CDH12: variants seen among roughly 807,000 people sequenced by gnomAD.
CDH12 encodes the protein cadherin-12.
A neutral mutation model predicts 74.1 loss-of-function variants in CDH12; 41 were observed. That is an observed-to-expected ratio of 0.55 (90% CI 0.43 to 0.72). The LOEUF is 0.72. Ranked by LOEUF, CDH12 falls within the 30% of genes least tolerant of loss-of-function variation. CDH12 has a pLI of 0.00. For missense variants in CDH12, 945 were observed against 977.2 expected (o/e 0.97, Z 0.44); for synonymous variants, 399 against 355.0 (o/e 1.12, Z -1.39).
At chr5:22,812,950 A>G (rs1248534441) in intron 1 of CDH12, among the ~76,000 whole-genome samples, 1 of 152,126 alleles carries the variant, frequency 6.6e-6, no homozygotes, top group Non-Finnish European at 1.5e-5. Context: ...ATGATCGCTG[A>G]GATCAAGGAG....
At chr5:22,147,916 T>C (rs4590152) in intron 4 of CDH12, among the ~76,000 whole-genome samples, 54,235 of 152,008 alleles carry the variant, frequency 0.36, 10,395 homozygotes, top group Middle Eastern at 0.47. Context: ...AGATATCATA[T>C]TCATCTGGTA....
intron 3 of CDH12, among the ~76,000 whole-genome samples, chr5:22,244,726 AAAAAGAAAGAAAG>A (rs1196005975): frequency 1.1e-4 from 15 of 134,844 alleles, no homozygotes; most frequent in African/African-American, 2.5e-4. Flanking sequence ...AGAGAGAAAG[AAAAAGAAAGAAAG>A]AAAAGAAAGA....
chr5:22,572,882 T>A (rs976259395), intron 1 of CDH12, among the ~76,000 whole-genome samples: 2 of 152,196 alleles, frequency 1.3e-5, no homozygotes, highest in Non-Finnish European at 2.9e-5. Flanking sequence ...ACACAGCAGA[T>A]GAAACAACTG....
At chr5:22,636,076 T>C (rs779354669) in intron 1 of CDH12, among the ~76,000 whole-genome samples, 116 of 152,138 alleles carry the variant, frequency 7.6e-4, no homozygotes, top group Non-Finnish European at 1.1e-3. Context: ...AAATTATCAA[T>C]AAGCATATGA....
intron 3 of CDH12, among the ~76,000 whole-genome samples, chr5:22,335,668 G>A (rs1369573912): frequency 1.3e-5 from 2 of 151,950 alleles, no homozygotes; most frequent in Admixed American, 6.6e-5. Context: ...CATGTAAAAC[G>A]TGACTTGCTC....
chr5:22,000,794 C>T (rs1274330825), intron 5 of CDH12, among the ~76,000 whole-genome samples: 2 of 151,978 alleles, frequency 1.3e-5, no homozygotes, highest in African/African-American at 4.8e-5. Context: ...ATTTAGTTTA[C>T]AATATTCTTC....
intron 2 of CDH12, among the ~76,000 whole-genome samples, chr5:22,478,373 G>A (rs1351460777): frequency 3.6e-5 from 5 of 139,118 alleles, no homozygotes; most frequent in South Asian, 2.2e-4. Flanking sequence ...AGCAGAGACC[G>A]CGCCACTGCC....
intron 3 of CDH12, among the ~76,000 whole-genome samples, chr5:22,368,370 C>G (rs962271372): frequency 1.3e-5 from 2 of 151,926 alleles, no homozygotes; most frequent in Non-Finnish European, 2.9e-5. Flanking sequence ...ACAATCGAAG[C>G]TCACTGCAGC....
chr5:22,259,427 C>G (rs760038192), intron 3 of CDH12, among the ~76,000 whole-genome samples: 2 of 152,060 alleles, frequency 1.3e-5, no homozygotes, highest in Non-Finnish European at 2.9e-5. Context: ...TTGAATACTT[C>G]TGGTATAAAC....
At chr5:21,843,711 C>G (rs903455610) in intron 7 of CDH12, among the ~76,000 whole-genome samples, 3 of 152,012 alleles carry the variant, frequency 2.0e-5, no homozygotes, top group African/African-American at 7.2e-5. Flanking sequence ...TGGGGTGACA[C>G]CTTTTTAATC....
intron 1 of CDH12, among the ~76,000 whole-genome samples, chr5:22,695,465 AG>A: frequency 6.6e-6 from 1 of 152,186 alleles, no homozygotes; most frequent in Non-Finnish European, 1.5e-5. Context: ...TAACACCACA[AG>A]TCTACAATCA....
intron 1 of CDH12, among the ~76,000 whole-genome samples, chr5:22,793,379 T>C (rs574826660): frequency 6.6e-6 from 1 of 152,360 alleles, no homozygotes; most frequent in South Asian, 2.1e-4. Flanking sequence ...CATACACATA[T>C]GTGGTGATTA....
At chr5:21,947,626 G>A (rs1253725349) in intron 6 of CDH12, among the ~76,000 whole-genome samples, 1 of 152,186 alleles carries the variant, frequency 6.6e-6, no homozygotes, top group East Asian at 1.9e-4. Context: ...AAAATTTGCA[G>A]CCTGACCATG....
intron 1 of CDH12, among the ~76,000 whole-genome samples, chr5:22,655,856 T>C (rs561737332): frequency 1.6e-4 from 24 of 152,370 alleles, no homozygotes; most frequent in South Asian, 6.2e-4. Context: ...AAGTGTGTAT[T>C]CTTCATATGA....
chr5:22,109,123 T>C lies in CDH12; in HGVS notation c.-186-30261A>G, dbSNP rs562432427. On this transcript the variant is annotated intron_variant, in intron 4 of 14. Transcript: ENST00000382254. ...TCATAATTCATTTTACTCTTTATGA[T>C]ATTTGGAATTTGGGGGAGACAATTT... Among the ~76,000 whole-genome samples, 7 of 152,300 alleles carry C rather than the reference T, an allele frequency of 4.6e-5. No individual in the cohort carries two copies. In the South Asian group the frequency reaches 1.0e-3, roughly 23 times the overall value.
At chr5:21,951,605 T>G (rs1302219603) in intron 6 of CDH12, among the ~76,000 whole-genome samples, 4 of 152,242 alleles carry the variant, frequency 2.6e-5, no homozygotes, top group Non-Finnish European at 5.9e-5. Context: ...CTTTATAATT[T>G]CACTTTCTAA....
At chr5:22,736,802 T>G (rs1744754280) in intron 1 of CDH12, among the ~76,000 whole-genome samples, 1 of 151,818 alleles carries the variant, frequency 6.6e-6, no homozygotes, top group Non-Finnish European at 1.5e-5. Context: ...ACATTATCCT[T>G]TTTCTCACCA....
intron 1 of CDH12, among the ~76,000 whole-genome samples, chr5:22,573,408 C>T (rs1039053560): frequency 3.9e-5 from 6 of 152,030 alleles, no homozygotes; most frequent in Admixed American, 3.3e-4. Context: ...AAATTAATTG[C>T]ATTACAGTTT....
chr5:22,167,387 T>C (rs1217443280), intron 4 of CDH12, among the ~76,000 whole-genome samples: 1 of 152,186 alleles, frequency 6.6e-6, no homozygotes, highest in Non-Finnish European at 1.5e-5. Context: ...CCAAAGCAGA[T>C]TGAAAAGTTT....
Sources: gnomAD v4.1 joint callset for allele counts (sites outside exome capture counted in the v4.1 genomes callset) on GRCh38, gnomAD v4.1.1 for gene constraint, MANE v1.5 for transcripts, NCBI Gene and HGNC (gene_info 2026-07-23, HGNC 2026-07-21) for gene names.